Variants in CUL2 observed in about 807,000 individuals in gnomAD.
CUL2 encodes the protein cullin-2.
CUL2 carries 22 observed loss-of-function variants against 110.2 expected under a neutral mutation model. That is an observed-to-expected ratio of 0.20 (90% CI 0.14 to 0.28). The LOEUF (loss-of-function observed/expected upper bound fraction) is 0.28, where lower values mean the gene tolerates loss of function less well. CUL2 is among the 10% of genes least tolerant of loss of function. The probability of loss-of-function intolerance (pLI) is 1.00; values close to 1 mark genes in which losing one functional copy is unlikely to be tolerated. For synonymous variants in CUL2, 279 were observed against 293.2 expected (o/e 0.95, Z 0.49); for missense variants, 631 against 905.5 (o/e 0.70, Z 3.89).
At chr10:35,063,151 A>C in intron 2 of CUL2, 89 bp from the exon 3 acceptor site, 1 of 761,292 alleles carries the variant, frequency 1.3e-6, no homozygotes, top group South Asian at 1.7e-5. Flanking sequence ...AAAATGAAAA[A>C]ACATTTCTTT....
chr10:35,116,040 A>G (rs947687251), intron 1 of CUL2, among the ~76,000 whole-genome samples: 2 of 152,080 alleles, frequency 1.3e-5, no homozygotes, highest in African/African-American at 4.8e-5. Flanking sequence ...TAGACATTAA[A>G]GGATAAAAAA....
intron 16 of CUL2, among the ~76,000 whole-genome samples, chr10:35,027,021 T>TA (rs2085352327): frequency 6.6e-6 from 1 of 151,464 alleles, no homozygotes; most frequent in African/African-American, 2.4e-5. Context: ...ATAAACAGGA[T>TA]AAAAAACAGC....
chr10:35,036,686 T>C (rs1229329724), intron 9 of CUL2, among the ~76,000 whole-genome samples: 3 of 152,236 alleles, frequency 2.0e-5, no homozygotes, highest in South Asian at 4.1e-4. Flanking sequence ...TATAAATCTT[T>C]AGTATTGCAG....
chr10:35,062,858 CA>C (rs1015889301), intron 3 of CUL2, 101 bp downstream of exon 3: 56 of 691,524 alleles, frequency 8.1e-5, no homozygotes, highest in Non-Finnish European at 1.3e-4. Flanking sequence ...GCAGCAGCAG[CA>C]AAACAAGCTG....
chr10:35,125,683 C>T (rs1379976790), intron 1 of CUL2, among the ~76,000 whole-genome samples: 2 of 152,164 alleles, frequency 1.3e-5, no homozygotes, highest in Admixed American at 1.3e-4. Flanking sequence ...AATATTATAA[C>T]GAAATGAAAA....
chr10:35,033,680 T>C (rs182993070), intron 10 of CUL2, among the ~76,000 whole-genome samples: 7 of 149,654 alleles, frequency 4.7e-5, no homozygotes, highest in Non-Finnish European at 8.9e-5. Context: ...GAGGTTGCAG[T>C]GAGCAGAGAT....
intron 5 of CUL2, among the ~76,000 whole-genome samples, chr10:35,050,181 T>C (rs969247909): frequency 6.6e-6 from 1 of 151,942 alleles, no homozygotes; most frequent in South Asian, 2.1e-4. Flanking sequence ...ATGAGCCTGG[T>C]GTGGTGGCAT....
intron 1 of CUL2, among the ~76,000 whole-genome samples, chr10:35,088,892 T>C (rs2087129580): frequency 1.3e-5 from 2 of 152,144 alleles, no homozygotes; most frequent in Admixed American, 1.3e-4. Context: ...CAAAACACTG[T>C]GGGCTGGGCG....
chr10:35,087,257 C>A (rs2087087308), intron 1 of CUL2, among the ~76,000 whole-genome samples: 1 of 152,040 alleles, frequency 6.6e-6, no homozygotes. Flanking sequence ...GGGGTCTCAC[C>A]ATGTTGCCCA....
rs114750952 is a variant in CUL2, at chr10:35,042,366, G to A, written c.714+2200C>T. Among the ~76,000 whole-genome samples, 176 of 152,244 alleles carry A rather than the reference G, an allele frequency of 1.2e-3. 1 individual carries two copies. Among genetic ancestry groups the A allele is most frequent in the African/African-American group, 4.0e-3 (165 of 41,510 alleles). ...CTTTTTAAAGACTGTGTGGTGTTGTGATATGTAAGTACATTGGTTTTCATC... is the reference window on the plus strand; with the variant it reads ...CTTTTTAAAGACTGTGTGGTGTTGTAATATGTAAGTACATTGGTTTTCATC... On this transcript the variant is annotated intron_variant, in intron 8 of 20. Transcript: ENST00000374749.
At chr10:35,091,917 C>T (rs573436752), upstream of CUL2, among the ~76,000 whole-genome samples, 8 of 152,158 alleles carry the variant, frequency 5.3e-5, no homozygotes, top group East Asian at 1.9e-4. Flanking sequence ...CCTGAGCCAC[C>T]GTGTCAGGCC....
rs2086666503 is a variant in CUL2, at chr10:35,071,138, CTCAGTTT to C, written c.119+54_119+60del. ...GTTCTTCCATAACATTGAACATGTT[CTCAGTTT>C]TCAACAAATTTATCAATTTTAGAAC... On this transcript the variant is annotated intron_variant, in intron 2 of 20. Transcript: ENST00000374749. 4.0e-6 allele frequency: 6 copies of C among 1,518,596 alleles called. No homozygotes were observed. The Admixed American group carries it at 9.0e-5, about 23-fold the overall frequency. 94.1% of individuals were successfully genotyped at this position (1,518,596 alleles called of 1,614,324 possible).
chr10:35,094,238 AT>A (rs112549710), upstream of CUL2, among the ~76,000 whole-genome samples: 50,659 of 147,462 alleles, frequency 0.34, 8,398 homozygotes, highest in Non-Finnish European at 0.35. Context: ...GTCCTCGATA[AT>A]TTTTTTTTTT....
chr10:35,100,520 G>T (rs1414719466), intron 2 of CUL2, among the ~76,000 whole-genome samples: 3 of 152,164 alleles, frequency 2.0e-5, no homozygotes, highest in African/African-American at 4.8e-5. Flanking sequence ...CCAGCACTTT[G>T]GGAGGCCGAG....
rs975555288 is a variant in CUL2 at position 35,009,545 on chromosome 10, A to G, written c.*766T>C. 1.1e-4 allele frequency: 16 copies of G among 152,228 alleles called. No homozygotes were observed. Among genetic ancestry groups the G allele is most frequent in the Non-Finnish European group, 2.2e-4 (15 of 68,042 alleles). The allele number at this position is 152,228 out of a possible 1,614,324, so 9.4% of individuals were successfully genotyped here. ...CTCTCTCTGTGCCAGACTTGAGGTCACCAAGCATCCTGCTCACACTCTGCG... is the reference window on the plus strand; with the variant it reads ...CTCTCTCTGTGCCAGACTTGAGGTCGCCAAGCATCCTGCTCACACTCTGCG... On this transcript the variant is annotated 3_prime_UTR_variant, in exon 21 of 21. Transcript: ENST00000374749.
chr10:35,084,986 G>A (rs550479868), intron 1 of CUL2, among the ~76,000 whole-genome samples: 2 of 151,866 alleles, frequency 1.3e-5, no homozygotes, highest in East Asian at 3.9e-4. Flanking sequence ...TGGGGGTGGT[G>A]GTGGGCGCCT....
chr10:35,025,227 AT>A, intron 16 of CUL2, 29 bp from the exon 17 acceptor site: 1 of 1,542,444 alleles, frequency 6.5e-7, no homozygotes, highest in African/African-American at 1.4e-5. Flanking sequence ...AACACACATT[AT>A]TTTTAGCTAC....
chr10:35,023,487 A>G (rs1054308996), intron 17 of CUL2, among the ~76,000 whole-genome samples: 7 of 152,224 alleles, frequency 4.6e-5, no homozygotes, highest in African/African-American at 9.6e-5. Context: ...AAACAGAAAG[A>G]AAGTTATTCT....
Position 35,031,065 on chromosome 10 carries a change from T to C in CUL2, c.1386+235A>G, listed in dbSNP as rs1330040103. On this transcript the variant is annotated intron_variant, in intron 14 of 20. Coordinates refer to ENST00000374749, the MANE Select transcript of CUL2 (RefSeq NM_003591.4). The surrounding 1 kb of genome is among the most constrained non-coding windows in gnomAD (Gnocchi z 4.4). ...AAGGAATATTTTAGGTGTATTCATT[T>C]ATAAGTAGTAATAATCTTTTATCAT... Among the ~76,000 whole-genome samples, 2 of 152,248 alleles carry C rather than the reference T, an allele frequency of 1.3e-5. No individual in the cohort carries two copies. The highest frequency in any genetic ancestry group is 2.9e-5 in the Non-Finnish European group (2 of 68,040).
Sources: allele counts gnomAD v4.1 joint callset (sites outside exome capture counted in the v4.1 genomes callset), GRCh38; gene constraint gnomAD v4.1.1; non-coding constraint Gnocchi (gnomAD v3.1); transcripts MANE v1.5; gene names NCBI Gene and HGNC (gene_info 2026-07-23, HGNC 2026-07-21).